The following GIPC3 variants were observed in gnomAD, a reference collection of about 807,000 sequenced individuals.
GIPC3 encodes PDZ domain-containing protein GIPC3.
A neutral mutation model predicts 27.3 loss-of-function variants in GIPC3; 16 were observed. The ratio of observed to expected loss-of-function variants is 0.59; its 90% CI spans 0.40 to 0.89. GIPC3 has a LOEUF of 0.89. Ranked by LOEUF, GIPC3 falls within the 40% of genes least tolerant of loss-of-function variation. The pLI, the probability that GIPC3 is intolerant of heterozygous loss-of-function variation, is 0.00. For missense variants in GIPC3, 440 were observed against 442.1 expected (o/e 1.00, Z 0.04); for synonymous variants, 194 against 184.6 (o/e 1.05, Z -0.41).
In GIPC3 at chr19:3,585,519, G is replaced by C; in HGVS notation, c.-79G>C. 6 of 1,062,746 alleles carry C rather than the reference G, an allele frequency of 5.6e-6. No individual in the cohort carries two copies. The highest frequency in any genetic ancestry group is 6.8e-6 in the Non-Finnish European group (6 of 878,292). 65.8% of individuals were successfully genotyped at this position (1,062,746 alleles called of 1,614,324 possible). A position where few individuals can be genotyped will look rare whatever the true frequency, so the allele number is the denominator to read the frequency against. ...CGTCTCGGCTGTCGCGCCCTGGGCC[G>C]GGGGAGGGGAGGCTGCAGGAAGCGG... On this transcript the variant is annotated 5_prime_UTR_variant, in exon 1 of 6. Transcript: ENST00000644452.
Position 3,593,172 on chromosome 19 carries a change from C to A in GIPC3, c.*2982C>A. 3 of 1,232,422 alleles carry A rather than the reference C, an allele frequency of 2.4e-6. No individual in the cohort carries two copies. Among genetic ancestry groups the A allele is most frequent in the Non-Finnish European group, 3.0e-6 (3 of 988,180 alleles). 76.3% of individuals were successfully genotyped at this position (1,232,422 alleles called of 1,614,324 possible). A position where few individuals can be genotyped will look rare whatever the true frequency, so the allele number is the denominator to read the frequency against. ...ACCCACCATATCTGTCACTCCTAGT[C>A]CTGCCCCTAGGGCAGCCCTCCTGAG... On this transcript the variant is annotated 3_prime_UTR_variant, in exon 6 of 6. Transcript: ENST00000644452.
intron 3 of GIPC3, among the ~76,000 whole-genome samples, chr19:3,587,204 C>G (rs943601338): frequency 6.6e-6 from 1 of 152,080 alleles, no homozygotes; most frequent in Middle Eastern, 3.2e-3. Flanking sequence ...GGGGGAGAGA[C>G]TGGGTAAAGT....
chr19:3,592,998 G>T lies in GIPC3; in HGVS notation c.*2808G>T. The T allele has an allele frequency of 1.1e-5, 13 of 1,180,656 alleles. No homozygotes were observed. The highest frequency in any genetic ancestry group is 1.3e-5 in the Non-Finnish European group (13 of 967,964). The allele number at this position is 1,180,656 out of a possible 1,614,324, so 73.1% of individuals were successfully genotyped here. A position where few individuals can be genotyped will look rare whatever the true frequency, so the allele number is the denominator to read the frequency against. On this transcript the variant is annotated 3_prime_UTR_variant, in exon 6 of 6. Coordinates refer to ENST00000644452, the MANE Select transcript of GIPC3 (RefSeq NM_133261.3). ...CCCCCAGCCTCTGCCTCAGCCCCAT[G>T]ATCAGGTATGTGGCATCCAGGCCAG...
Position 3,589,822 on chromosome 19 carries a change from T to G in GIPC3, c.706-9T>G, listed in dbSNP as rs372890939. ...TTTCACCCCTGACTTCCCTCCCGTG[T>G]GCCCCCAGCCCAGTGAGTTTGAGGA... On this transcript the variant is annotated splice_polypyrimidine_tract_variant and intron_variant, in intron 4 of 5. Transcript: ENST00000644452. 167 of 1,613,322 alleles carry G rather than the reference T, an allele frequency of 1.0e-4. 1 individual carries two copies. Among genetic ancestry groups the G allele is most frequent in the Non-Finnish European group, 1.4e-4 (160 of 1,179,878 alleles).
Position 3,590,262 on chromosome 19 carries a change from C to T in GIPC3, c.*72C>T. On this transcript the variant is annotated 3_prime_UTR_variant, in exon 6 of 6. Coordinates refer to ENST00000644452, the MANE Select transcript of GIPC3 (RefSeq NM_133261.3). ...CCTGCCCCGGCCCTGCTCCAGAACC[C>T]AGCCCAGATCGGAGGACAAGTTCCT... 6.6e-7 allele frequency: 1 copy of T among 1,522,468 alleles called. No individual in the cohort carries two copies. Among genetic ancestry groups the T allele is most frequent in the Non-Finnish European group, 8.8e-7 (1 of 1,132,864 alleles). 94.3% of individuals were successfully genotyped at this position (1,522,468 alleles called of 1,614,324 possible).
Position 3,586,594 on chromosome 19 carries a change from G to A in GIPC3, c.325G>A (p.Glu109Lys), listed in dbSNP as rs1347474836. The A allele has an allele frequency of 3.1e-6, 5 of 1,613,482 alleles. No homozygotes were observed. In the African/African-American group the frequency reaches 4.0e-5, roughly 13 times the overall value. ...CTTCATCTTTGCCCACGTGCGAGGC[G>A]AGACCAAGGAGGTGGAGGTCACTAA... ...EDFIFAHVRGETKEVEVTKTE... is the reference protein window; with the variant it reads ...EDFIFAHVRGKTKEVEVTKTE... The change falls in exon 2 of 6, where the codon GAG (glutamate) becomes AAG (lysine). Residue 109 changes from glutamate to lysine, a missense_variant. Transcript: ENST00000644452.
At chr19:3,589,254 G>C (rs2032434817) in intron 3 of GIPC3, among the ~76,000 whole-genome samples, 189 bp from the exon 4 acceptor site, 1 of 152,208 alleles carries the variant, frequency 6.6e-6, no homozygotes, top group Non-Finnish European at 1.5e-5. Context: ...TTCTGGACTT[G>C]TGATTTAGTT....
In GIPC3 at chr19:3,590,043, C is replaced by T; in HGVS notation, c.792C>T (p.Ser264=). ...CCCCTCTGGCACGGCCCGCAGCGTC[C>T]ACCATGGTGGAGACGTCCAAGAAGA... ...YMGIRDPELA[S]TMVETSKKTA... Residue 264 remains serine (S), a synonymous_variant, in exon 6 of 6, where the codon TCC becomes TCT. Transcript: ENST00000644452. The T allele has an allele frequency of 6.2e-7, 1 of 1,612,534 alleles. No homozygotes were observed. Among genetic ancestry groups the T allele is most frequent in the South Asian group, 1.1e-5 (1 of 90,982 alleles).
At position 3,591,684 on chromosome 19, in the gene GIPC3, C is replaced by T. The variant is rs973906244; in HGVS notation, c.*1494C>T. On this transcript the variant is annotated 3_prime_UTR_variant, in exon 6 of 6. Transcript: ENST00000644452. ...CCAACCCCAGTTGCATCCAAGTGCC[C>T]ATCCCCATCCTGCAGCCCAGTCCAG... 9.7e-6 allele frequency: 12 copies of T among 1,234,394 alleles called. No individual in the cohort carries two copies. The African/African-American group carries it at 1.6e-4, about 16-fold the overall frequency. The allele number at this position is 1,234,394 out of a possible 1,614,324, so 76.5% of individuals were successfully genotyped here. A position where few individuals can be genotyped will look rare whatever the true frequency, so the allele number is the denominator to read the frequency against.
At chr19:3,588,774 C>A (rs1490107424) in intron 3 of GIPC3, among the ~76,000 whole-genome samples, 1 of 151,792 alleles carries the variant, frequency 6.6e-6, no homozygotes, top group African/African-American at 2.4e-5. Context: ...GAAACCCTGT[C>A]TCTACTAAAA....
In GIPC3 at chr19:3,592,735, G is replaced by A; in HGVS notation, c.*2545G>A. The A allele has an allele frequency of 1.6e-6, 2 of 1,231,376 alleles. No homozygotes were observed. Among genetic ancestry groups the A allele is most frequent in the East Asian group, 3.2e-5 (1 of 31,696 alleles). 76.3% of individuals were successfully genotyped at this position (1,231,376 alleles called of 1,614,324 possible). ...GGGCTCAGCTCTGAAACCCAGACCGGCTCAAGAATTCAGCCCAGCCCTGGA... is the reference window on the plus strand; with the variant it reads ...GGGCTCAGCTCTGAAACCCAGACCGACTCAAGAATTCAGCCCAGCCCTGGA... On this transcript the variant is annotated 3_prime_UTR_variant, in exon 6 of 6. Coordinates refer to ENST00000644452, the MANE Select transcript of GIPC3 (RefSeq NM_133261.3).
In GIPC3 at chr19:3,590,134, G is replaced by C. The variant is rs201853780; in HGVS notation, c.883G>C (p.Glu295Gln). ...SVLGEFAFPD[E>Q]FVVEVWAAIG... ...CTTGGGCGAGTTCGCCTTCCCCGAC[G>C]AGTTTGTGGTGGAAGTGTGGGCCGC... Residue 295 changes from glutamate (E) to glutamine (Q), a missense_variant, in exon 6 of 6, where the codon GAG becomes CAG. By Grantham distance (29) the Glu-to-Gln change is conservative (BLOSUM62 2). Coordinates refer to ENST00000644452, the MANE Select transcript of GIPC3 (RefSeq NM_133261.3). The C allele has an allele frequency of 8.1e-6, 13 of 1,611,064 alleles. No individual in the cohort carries two copies. The highest frequency in any genetic ancestry group is 1.1e-5 in the Non-Finnish European group (13 of 1,179,046).
Position 3,590,496 on chromosome 19 carries a change from A to C in GIPC3, c.*306A>C. 7.1e-7 allele frequency: 1 copy of C among 1,410,414 alleles called. No homozygotes were observed. Among genetic ancestry groups the C allele is most frequent in the East Asian group, 2.6e-5 (1 of 39,058 alleles). The allele number at this position is 1,410,414 out of a possible 1,614,324, so 87.4% of individuals were successfully genotyped here. A position where few individuals can be genotyped will look rare whatever the true frequency, so the allele number is the denominator to read the frequency against. Reference sequence around the variant, plus strand: ...TAGAACTCAGATGAGCTTTGAGACCATGCCCAGCACTGAGACCAAGCCCTG... The same window carrying C: ...TAGAACTCAGATGAGCTTTGAGACCCTGCCCAGCACTGAGACCAAGCCCTG... On this transcript the variant is annotated 3_prime_UTR_variant, in exon 6 of 6. Coordinates refer to ENST00000644452, the MANE Select transcript of GIPC3 (RefSeq NM_133261.3).
Position 3,586,669 on chromosome 19 carries a change from G to A in GIPC3, c.400G>A (p.Ala134Thr), listed in dbSNP as rs1348505504. The change falls in exon 2 of 6, where the codon GCC becomes ACC. Residue 134 changes from alanine (A) to threonine (T), a missense_variant. By Grantham distance (58) the Ala-to-Thr change is moderately conservative. Coordinates refer to ENST00000644452, the MANE Select transcript of GIPC3 (RefSeq NM_133261.3). ...LTITDNGAGY[A>T]FIKRIKEGSI... ...CATCACGGACAACGGGGCTGGCTAC[G>A]CCTTCATCAAGGTGCCCGGGAGGGG... 2.1e-6 allele frequency: 3 copies of A among 1,439,780 alleles called. No individual in the cohort carries two copies. The highest frequency in any genetic ancestry group is 2.9e-6 in the Non-Finnish European group (3 of 1,045,348). The allele number at this position is 1,439,780 out of a possible 1,614,324, so 89.2% of individuals were successfully genotyped here.
Position 3,590,124 on chromosome 19 carries a change from C to T in GIPC3, c.873C>T (p.Ala291=), listed in dbSNP as rs1173910429. The T allele has an allele frequency of 6.2e-7, 1 of 1,611,268 alleles. No homozygotes were observed. Among genetic ancestry groups the T allele is most frequent in the Non-Finnish European group, 8.5e-7 (1 of 1,179,132 alleles). Residue 291 remains alanine, a synonymous_variant, in exon 6 of 6, where the codon GCC becomes GCT. Coordinates refer to ENST00000644452, the MANE Select transcript of GIPC3 (RefSeq NM_133261.3). ...TAGACTCCGTCTTGGGCGAGTTCGC[C>T]TTCCCCGACGAGTTTGTGGTGGAAG... The part of the protein sequence containing the change: ...RCLDSVLGEF[A]FPDEFVVEVW...
Position 3,585,658 on chromosome 19 carries a change from C to A in GIPC3, c.61C>A (p.Pro21Thr). ...CGAGACCCCGCGCGCGTCTGCGCCCCCGCCCGCGCCCTCGGAGCCCCCGGC... is the reference window on the plus strand; with the variant it reads ...CGAGACCCCGCGCGCGTCTGCGCCCACGCCCGCGCCCTCGGAGCCCCCGGC... ...GTETPRASAP[P>T]PAPSEPPAAP... is the part of the protein sequence containing the mutation. The change falls in exon 1 of 6, where the codon CCG (proline) becomes ACG (threonine). Residue 21 changes from proline to threonine, a missense_variant. Transcript: ENST00000644452. 1 of 1,228,638 alleles carries A rather than the reference C, an allele frequency of 8.1e-7. No individual in the cohort carries two copies. Among genetic ancestry groups the A allele is most frequent in the South Asian group, 3.7e-5 (1 of 26,738 alleles). 76.1% of individuals were successfully genotyped at this position (1,228,638 alleles called of 1,614,324 possible).
chr19:3,592,567 G>T lies in GIPC3; in HGVS notation c.*2377G>T. The T allele has an allele frequency of 8.1e-7, 1 of 1,231,496 alleles. No individual in the cohort carries two copies. Among genetic ancestry groups the T allele is most frequent in the Non-Finnish European group, 1.0e-6 (1 of 987,748 alleles). The allele number at this position is 1,231,496 out of a possible 1,614,324, so 76.3% of individuals were successfully genotyped here. ...AGAACCCAGTCCAGTCCTGAGACCAGGCTCAGCTCTGAGGCTCAGTCCAGC... is the reference window on the plus strand; with the variant it reads ...AGAACCCAGTCCAGTCCTGAGACCATGCTCAGCTCTGAGGCTCAGTCCAGC... On this transcript the variant is annotated 3_prime_UTR_variant, in exon 6 of 6. Coordinates refer to ENST00000644452, the MANE Select transcript of GIPC3 (RefSeq NM_133261.3).
intron 3 of GIPC3, 67 bp downstream of exon 3, chr19:3,587,061 G>A: frequency 6.8e-7 from 1 of 1,464,580 alleles, no homozygotes; most frequent in South Asian, 1.2e-5. Context: ...GGTGGAGGAG[G>A]GTCGGGGATG....
Position 3,586,932 on chromosome 19 carries a change from T to A in GIPC3, c.530T>A (p.Leu177His), listed in dbSNP as rs778853567. The change falls in exon 3 of 6, where the codon CTC becomes CAC. Residue 177 changes from leucine to histidine, a missense_variant. By Grantham distance (99) the Leu-to-His change is moderately conservative. Coordinates refer to ENST00000644452, the MANE Select transcript of GIPC3 (RefSeq NM_133261.3). ...GCRHYEVAKM[L>H]RELPKSQPFT... Reference sequence around the variant, plus strand: ...CGCCACTACGAGGTGGCCAAGATGCTCCGGGAGCTGCCCAAGTCCCAGCCC... The same window carrying A: ...CGCCACTACGAGGTGGCCAAGATGCACCGGGAGCTGCCCAAGTCCCAGCCC... The A allele has an allele frequency of 1.2e-6, 2 of 1,613,308 alleles. No individual in the cohort carries two copies. The highest frequency in any genetic ancestry group is 8.5e-7 in the Non-Finnish European group (1 of 1,179,962).
Sources: gnomAD v4.1 joint callset for allele counts (sites outside exome capture counted in the v4.1 genomes callset) on GRCh38, gnomAD v4.1.1 for gene constraint, MANE v1.5 for transcripts, NCBI Gene and HGNC (gene_info 2026-07-23, HGNC 2026-07-21) for gene names.